Variants in ACBD6 observed in about 807,000 individuals in gnomAD.
ACBD6 encodes the protein acyl-CoA-binding domain-containing protein 6.
Under a neutral mutation model 37.2 loss-of-function variants are expected in ACBD6, and 28 were observed. The ratio of observed to expected loss-of-function variants is 0.75; its 90% CI spans 0.56 to 1.03. ACBD6 has a LOEUF of 1.03. Ranked by LOEUF, ACBD6 falls within the 50% of genes least tolerant of loss-of-function variation. The pLI is 0.00. For missense variants in ACBD6, 340 were observed against 337.4 expected (o/e 1.01, Z -0.06); for synonymous variants, 113 against 126.8 (o/e 0.89, Z 0.73).
At chr1:180,418,850 C>G (rs983035473) in intron 4 of ACBD6, among the ~76,000 whole-genome samples, 1 of 152,188 alleles carries the variant, frequency 6.6e-6, no homozygotes, top group Non-Finnish European at 1.5e-5. Context: ...TTGGTTTAAT[C>G]CCTGGAAGAG....
At position 180,313,934 on chromosome 1, in the gene ACBD6, A is replaced by G. The variant is rs1571348318; in HGVS notation, c.694+758T>C. 2.0e-5 allele frequency among the ~76,000 whole-genome samples: 3 copies of G among 152,212 alleles called. No homozygotes were observed. The East Asian group carries it at 5.8e-4, about 29-fold the overall frequency. On this transcript the variant is annotated intron_variant, in intron 7 of 7. Coordinates refer to ENST00000367595, the MANE Select transcript of ACBD6 (RefSeq NM_032360.4). ...TACCAAGCAGCTCTCTAAGAGCCAT[A>G]TTATTTCCATCTTACAGATTTTTTT...
chr1:180,275,737 A>G (rs1303550718), intron 9 of ACBD6: 1 of 152,188 alleles, frequency 6.6e-6, no homozygotes, highest in Non-Finnish European at 1.5e-5. Context: ...AATTGTCCAA[A>G]GGGTTCTAAG....
chr1:180,454,462 T>C (rs1649837967), intron 3 of ACBD6, among the ~76,000 whole-genome samples: 1 of 152,204 alleles, frequency 6.6e-6, no homozygotes, highest in Non-Finnish European at 1.5e-5. Context: ...GACATAGGCA[T>C]GGGCAAAGAC....
intron 6 of ACBD6, among the ~76,000 whole-genome samples, chr1:180,335,130 G>T (rs1176705735): frequency 3.3e-5 from 5 of 152,138 alleles, no homozygotes; most frequent in African/African-American, 1.2e-4. Flanking sequence ...AGCAAGGCAG[G>T]CCAACATTCA....
intron 3 of ACBD6, among the ~76,000 whole-genome samples, chr1:180,456,546 G>C (rs1333437204): frequency 6.6e-6 from 1 of 152,146 alleles, no homozygotes; most frequent in Admixed American, 6.5e-5. Context: ...GAAAGCACAT[G>C]AAAAGTGTAA....
intron 6 of ACBD6, among the ~76,000 whole-genome samples, chr1:180,348,213 T>G (rs140171093): frequency 6.6e-6 from 1 of 152,342 alleles, no homozygotes; most frequent in East Asian, 1.9e-4. Context: ...ATGCTCCTTT[T>G]GGGCAAATTA....
exon 14 of ACBD6, chr1:180,271,730 C>T: frequency 1.5e-6 from 2 of 1,372,278 alleles, no homozygotes; most frequent in Admixed American, 1.7e-5. Flanking sequence ...GACCTGTGCT[C>T]CATTCAGGCT....
At chr1:180,391,283 AAACAAC>A (rs150042782) in intron 6 of ACBD6, among the ~76,000 whole-genome samples, 3 of 152,110 alleles carry the variant, frequency 2.0e-5, no homozygotes, top group Admixed American at 1.3e-4. Context: ...TTAAAACCAC[AAACAAC>A]AACAACAAAA....
At chr1:180,494,658 A>G (rs1298192506) in intron 2 of ACBD6, among the ~76,000 whole-genome samples, 1 of 152,164 alleles carries the variant, frequency 6.6e-6, no homozygotes, top group Non-Finnish European at 1.5e-5. Flanking sequence ...AAGAACCCAT[A>G]TTTTATCACT....
At chr1:180,442,146 C>T (rs1252372145) in intron 3 of ACBD6, among the ~76,000 whole-genome samples, 1 of 152,188 alleles carries the variant, frequency 6.6e-6, no homozygotes, top group African/African-American at 2.4e-5. Context: ...TTATCTTCAT[C>T]ATGTTTTCTG....
intron 6 of ACBD6, among the ~76,000 whole-genome samples, chr1:180,338,997 G>T (rs1217977202): frequency 2.6e-5 from 4 of 152,168 alleles, no homozygotes; most frequent in African/African-American, 9.7e-5. Context: ...TCTCACACCA[G>T]TTAGAATGGC....
intron 6 of ACBD6, among the ~76,000 whole-genome samples, chr1:180,351,198 A>C (rs1652401151): frequency 6.6e-6 from 1 of 152,022 alleles, no homozygotes; most frequent in South Asian, 2.1e-4. Context: ...CAATCTAGAC[A>C]TCTTTATGTC....
At chr1:180,307,389 G>C (rs2794973) in intron 7 of ACBD6, among the ~76,000 whole-genome samples, 6,887 of 152,210 alleles carry the variant, frequency 0.045, 225 homozygotes, top group Non-Finnish European at 0.059. Context: ...GGCGGAAATG[G>C]GGATGGTTAA....
intron 6 of ACBD6, among the ~76,000 whole-genome samples, chr1:180,376,285 C>G (rs1653427639): frequency 6.6e-6 from 1 of 152,188 alleles, no homozygotes; most frequent in African/African-American, 2.4e-5. Context: ...TAACAAAATA[C>G]TACATATGCA....
chr1:180,276,241 C>CAAAG (rs1199596963), intron 9 of ACBD6: 3 of 152,198 alleles, frequency 2.0e-5, no homozygotes, highest in East Asian at 1.9e-4. Context: ...TTGAGGACTG[C>CAAAG]AAAGACTTAG....
downstream of ACBD6, among the ~76,000 whole-genome samples, chr1:180,286,318 TAC>T (rs1326983517): frequency 2.0e-5 from 3 of 152,228 alleles, no homozygotes; most frequent in African/African-American, 4.8e-5. Flanking sequence ...TTAAAATCTA[TAC>T]AGTTTTAGAT....
intron 6 of ACBD6, among the ~76,000 whole-genome samples, chr1:180,348,423 G>C (rs143926661): frequency 6.6e-6 from 1 of 152,332 alleles, no homozygotes; most frequent in East Asian, 1.9e-4. Context: ...TAGAAGGCAT[G>C]TTGAGGCAGG....
At chr1:180,351,591 T>G (rs952478353) in intron 6 of ACBD6, among the ~76,000 whole-genome samples, 5 of 151,270 alleles carry the variant, frequency 3.3e-5, no homozygotes, top group East Asian at 1.9e-4. Flanking sequence ...CGTTTTTTTT[T>G]TTTTTTTTTT....
At chr1:180,330,567 A>G (rs1050143642) in intron 6 of ACBD6, among the ~76,000 whole-genome samples, 7 of 152,356 alleles carry the variant, frequency 4.6e-5, no homozygotes, top group African/African-American at 1.4e-4. Flanking sequence ...AAGCTAACTT[A>G]AATAGATGAT....
Sources: allele counts gnomAD v4.1 joint callset (sites outside exome capture counted in the v4.1 genomes callset), GRCh38; gene constraint gnomAD v4.1.1; transcripts MANE v1.5; gene names NCBI Gene and HGNC (gene_info 2026-07-23, HGNC 2026-07-21).